TGS1: variants seen among roughly 807,000 people sequenced by gnomAD.
TGS1 encodes trimethylguanosine synthase.
In TGS1, 69 loss-of-function variants were observed where a neutral mutation model predicts 92.2. The ratio of observed to expected loss-of-function variants is 0.75; its 90% CI spans 0.62 to 0.91. TGS1 has a LOEUF of 0.91. Among genes scored for constraint, TGS1 ranks in the 40% least tolerant of loss-of-function variants. The probability of loss-of-function intolerance (pLI) is 0.00; values close to 1 mark genes in which losing one functional copy is unlikely to be tolerated. For synonymous variants in TGS1, 345 were observed against 338.1 expected (o/e 1.02, Z -0.22); for missense variants, 1,062 against 1,001.2 (o/e 1.06, Z -0.82).
chr8:55,797,458 G>C (rs1485514994), intron 7 of TGS1, among the ~76,000 whole-genome samples: 1 of 152,152 alleles, frequency 6.6e-6, no homozygotes, highest in Non-Finnish European at 1.5e-5. Flanking sequence ...GATCCTAATA[G>C]TCCAAATTCT....
chr8:55,795,098 G>A (rs918961657), intron 6 of TGS1, among the ~76,000 whole-genome samples: 8 of 152,100 alleles, frequency 5.3e-5, no homozygotes, highest in Non-Finnish European at 8.8e-5. Context: ...ATAAAGTTTA[G>A]CATGTAAAAA....
chr8:55,819,288 A>AT (rs201975270), intron 12 of TGS1, among the ~76,000 whole-genome samples: 2,464 of 74,908 alleles, frequency 0.033, 74 homozygotes, highest in African/African-American at 0.052. Flanking sequence ...TGCCTGGGAG[A>AT]TTTTTTTTTT....
intron 1 of TGS1, among the ~76,000 whole-genome samples, chr8:55,777,012 G>C (rs1224978562): frequency 1.3e-5 from 2 of 151,246 alleles, no homozygotes; most frequent in South Asian, 2.1e-4. Flanking sequence ...TTTGGGTTTT[G>C]GGAGGTTTAT....
chr8:55,807,228 A>G (rs1803195050), intron 10 of TGS1, among the ~76,000 whole-genome samples: 1 of 151,782 alleles, frequency 6.6e-6, no homozygotes. Context: ...ACGCCCGGCC[A>G]TTTAACCTTA....
In TGS1 at chr8:55,786,998, A is replaced by G. The variant is rs146017987; in HGVS notation, c.1100A>G (p.Asn367Ser). Residue 367 changes from asparagine to serine, a missense_variant, in exon 4 of 13, where the codon AAT (asparagine) becomes AGT (serine). Physicochemically the swap from Asn to Ser is conservative, Grantham distance 46. Transcript: ENST00000260129. The part of the protein sequence containing the change: ...CPASGQSEPR[N>S]GGTNEESNSS... ...GCTTCCGGCCAAAGTGAACCACGTAATGGAGGAACCAATGAGGAAAGCAAC... is the reference window on the plus strand; with the variant it reads ...GCTTCCGGCCAAAGTGAACCACGTAGTGGAGGAACCAATGAGGAAAGCAAC... 57 of 1,614,028 alleles carry G rather than the reference A, an allele frequency of 3.5e-5. No homozygotes were observed. Among genetic ancestry groups the G allele is most frequent in the Non-Finnish European group, 4.7e-5 (56 of 1,180,038 alleles).
Position 55,785,875 on chromosome 8 carries a change from C to T in TGS1, c.323C>T (p.Ala108Val). 1 of 1,599,550 alleles carries T rather than the reference C, an allele frequency of 6.3e-7. No individual in the cohort carries two copies. Among genetic ancestry groups the T allele is most frequent in the Admixed American group, 1.8e-5 (1 of 55,730 alleles). Residue 108 changes from alanine (A) to valine (V), a missense_variant, in exon 3 of 13, where the codon GCA (alanine) becomes GTA (valine). Transcript: ENST00000260129. ...CCACTTCAATTTGGTAGGATAACTG[C>T]ACATAAGGATTTTGAGGTAAATATT... Reference protein sequence around the residue: ...GLPLQFGRITAHKDFEVSMNT... With the variant: ...GLPLQFGRITVHKDFEVSMNT...
In TGS1 at chr8:55,773,516, A is replaced by C; in HGVS notation, c.-103A>C. On this transcript the variant is annotated 5_prime_UTR_variant, in exon 1 of 13. Transcript: ENST00000260129. ...CGGGCCAGTTTCTATCTCCTCATCC[A>C]GGGCTTGCGGGCGAGGCCTGTTTTA... The C allele has an allele frequency of 1.2e-6, 1 of 812,372 alleles. No homozygotes were observed. The highest frequency in any genetic ancestry group is 1.9e-6 in the Non-Finnish European group (1 of 523,554). The allele number at this position is 812,372 out of a possible 1,614,324, so 50.3% of individuals were successfully genotyped here. A position where few individuals can be genotyped will look rare whatever the true frequency, so the allele number is the denominator to read the frequency against.
chr8:55,815,507 A>C (rs1156522878), intron 12 of TGS1, among the ~76,000 whole-genome samples: 1 of 152,230 alleles, frequency 6.6e-6, no homozygotes, highest in African/African-American at 2.4e-5. Flanking sequence ...ATGTTACAAC[A>C]ACCTGAATTT....
chr8:55,812,764 G>A (rs1803372863), intron 11 of TGS1, among the ~76,000 whole-genome samples: 2 of 151,942 alleles, frequency 1.3e-5, no homozygotes, highest in East Asian at 3.9e-4. Context: ...AGTGTAGACT[G>A]CAATGGCCAT....
intron 12 of TGS1, among the ~76,000 whole-genome samples, chr8:55,822,890 A>G (rs1372428019): frequency 6.6e-6 from 1 of 152,184 alleles, no homozygotes; most frequent in Admixed American, 6.5e-5. Context: ...GCATAATACC[A>G]CTGAGATTAC....
intron 6 of TGS1, 67 bp downstream of exon 6, chr8:55,792,851 G>C (rs1265159205): frequency 2.1e-6 from 2 of 943,208 alleles, no homozygotes; most frequent in Non-Finnish European, 1.7e-6. Flanking sequence ...AGAGCACTCT[G>C]ATACTCAGAT....
intron 3 of TGS1, 112 bp from the exon 4 acceptor site, chr8:55,786,126 T>C (rs1186950097): frequency 2.3e-5 from 17 of 737,172 alleles, no homozygotes; most frequent in Non-Finnish European, 3.4e-5. Context: ...TAAAAGCCCA[T>C]AGTGGGGCTT....
At position 55,782,738 on chromosome 8, in the gene TGS1, T is replaced by G. The variant is rs773155463; in HGVS notation, c.102-10T>G. On this transcript the variant is annotated splice_polypyrimidine_tract_variant and intron_variant, in intron 1 of 12. Coordinates refer to ENST00000260129, the MANE Select transcript of TGS1 (RefSeq NM_024831.8). ...TCATTTCAATATGAACTGCTTAATCTGCTTCGCAGGGATCGAAAATTGTAC... is the reference window on the plus strand; with the variant it reads ...TCATTTCAATATGAACTGCTTAATCGGCTTCGCAGGGATCGAAAATTGTAC... 1 of 1,594,550 alleles carries G rather than the reference T, an allele frequency of 6.3e-7. No individual in the cohort carries two copies.
chr8:55,815,148 C>G (rs1414499480), intron 12 of TGS1, among the ~76,000 whole-genome samples: 1 of 152,116 alleles, frequency 6.6e-6, no homozygotes, highest in Admixed American at 6.5e-5. Context: ...TTAACTTTTT[C>G]TAGTTACATT....
intron 6 of TGS1, among the ~76,000 whole-genome samples, chr8:55,793,733 A>AATTT (rs143163863): frequency 0.058 from 8,448 of 144,894 alleles, 286 homozygotes; most frequent in East Asian, 0.11. Context: ...ATGCCCTGCT[A>AATTT]ATTTATTTAT....
intron 12 of TGS1, among the ~76,000 whole-genome samples, chr8:55,818,204 T>A (rs1042264842): frequency 6.6e-6 from 1 of 152,216 alleles, no homozygotes; most frequent in Admixed American, 6.5e-5. Context: ...TACCAATTTT[T>A]TTTTTGAGAC....
Position 55,810,469 on chromosome 8 carries a change from A to G in TGS1, c.2144-412A>G, listed in dbSNP as rs563765512. On this transcript the variant is annotated intron_variant, in intron 10 of 12. Transcript: ENST00000260129. ...TGTCGAATTTCTGTTCATTTTGGGC[A>G]TTGCTACATTTTGAAGAAGTTTGTC... Among the ~76,000 whole-genome samples, 5 of 152,348 alleles carry G rather than the reference A, an allele frequency of 3.3e-5. No individual in the cohort carries two copies. In the South Asian group the frequency reaches 8.3e-4, roughly 25 times the overall value.
At chr8:55,809,764 C>T (rs1585786711) in intron 10 of TGS1, among the ~76,000 whole-genome samples, 2 of 152,180 alleles carry the variant, frequency 1.3e-5, no homozygotes, top group African/African-American at 4.8e-5. Flanking sequence ...AGATTGAATG[C>T]TTCCATTCTT....
chr8:55,776,025 C>T (rs961954866), intron 1 of TGS1, among the ~76,000 whole-genome samples: 2 of 152,024 alleles, frequency 1.3e-5, no homozygotes, highest in South Asian at 2.1e-4. Context: ...CAGGAAGAAC[C>T]GCAGACAAAA....
Sources: allele counts gnomAD v4.1 joint callset (sites outside exome capture counted in the v4.1 genomes callset), GRCh38; gene constraint gnomAD v4.1.1; transcripts MANE v1.5; gene names NCBI Gene and HGNC (gene_info 2026-07-23, HGNC 2026-07-21).